Variants in RAPGEF6 observed in about 807,000 individuals in gnomAD.
The protein encoded by RAPGEF6 is Rap guanine nucleotide exchange factor 6, also known as PDZ domain containing guanine nucleotide exchange factor (GEF) 2.
Under a neutral mutation model 171.4 loss-of-function variants are expected in RAPGEF6, and 56 were observed. The ratio of observed to expected loss-of-function variants is 0.33; its 90% CI spans 0.26 to 0.41. The LOEUF is 0.41. Ranked by LOEUF, RAPGEF6 falls within the 10% of genes least tolerant of loss-of-function variation. RAPGEF6 has a pLI of 1.00. For missense variants in RAPGEF6, 1,674 were observed against 1,921.4 expected, an observed-to-expected ratio of 0.87 and a Z score of 2.41; for synonymous variants, 692 against 650.1, an observed-to-expected ratio of 1.06 and a Z score of -0.98.
chr5:131,619,045 G>C (rs1411907314), intron 1 of RAPGEF6, among the ~76,000 whole-genome samples: 1 of 117,800 alleles, frequency 8.5e-6, no homozygotes, highest in Non-Finnish European at 1.8e-5. Context: ...TTCATGAAAG[G>C]AAAAAAAAAA....
intron 14 of RAPGEF6, among the ~76,000 whole-genome samples, chr5:131,490,923 G>C (rs1208239251): frequency 6.6e-6 from 1 of 152,140 alleles, no homozygotes; most frequent in Non-Finnish European, 1.5e-5. Flanking sequence ...AAGCCTTCTT[G>C]AAACAGAAGA....
chr5:131,472,489 G>T, intron 17 of RAPGEF6, 98 bp downstream of exon 17: 1 of 1,350,440 alleles, frequency 7.4e-7, no homozygotes, highest in East Asian at 2.4e-5. Context: ...AGAGTTAAGA[G>T]GGCTGCAAGT....
chr5:131,603,361 C>T (rs1486636507), intron 2 of RAPGEF6, 34 bp from the exon 3 acceptor site: 1 of 1,378,750 alleles, frequency 7.3e-7, no homozygotes, highest in Admixed American at 2.2e-5. Flanking sequence ...TTTTATCTTA[C>T]ATTTTGTTTT....
At chr5:131,536,072 C>T (rs1478010895) in intron 6 of RAPGEF6, among the ~76,000 whole-genome samples, 2 of 152,052 alleles carry the variant, frequency 1.3e-5, no homozygotes, top group African/African-American at 2.4e-5. Flanking sequence ...AGAAGTCAAA[C>T]GCCAAAGAAG....
intron 4 of RAPGEF6, among the ~76,000 whole-genome samples, chr5:131,585,289 TATACATAC>T (rs3058508): frequency 2.2e-3 from 303 of 135,022 alleles, no homozygotes; most frequent in African/African-American, 8.1e-3. Flanking sequence ...AAAAAAAAAC[TATACATAC>T]ATACATACAT....
chr5:131,440,583 C>T (rs1752317593), intron 23 of RAPGEF6, among the ~76,000 whole-genome samples: 1 of 151,388 alleles, frequency 6.6e-6, no homozygotes, highest in Admixed American at 6.6e-5. Context: ...ACTAAAAATA[C>T]AAAAACTAGC....
intron 4 of RAPGEF6, among the ~76,000 whole-genome samples, chr5:131,586,464 C>G (rs1443625058): frequency 6.6e-6 from 1 of 152,188 alleles, no homozygotes; most frequent in Non-Finnish European, 1.5e-5. Flanking sequence ...AACCCTGTCT[C>G]TACTAAAAAT....
intron 24 of RAPGEF6, among the ~76,000 whole-genome samples, chr5:131,436,989 G>C (rs959274034): frequency 1.3e-5 from 2 of 152,012 alleles, no homozygotes; most frequent in African/African-American, 4.8e-5. Context: ...TTAATCATAA[G>C]AAAACAAAGA....
chr5:131,548,631 T>G (rs1215894160), intron 5 of RAPGEF6, among the ~76,000 whole-genome samples: 1 of 152,214 alleles, frequency 6.6e-6, no homozygotes, highest in Non-Finnish European at 1.5e-5. Context: ...AATTTTCAAC[T>G]TAATGCATGA....
At chr5:131,628,325 G>T (rs1156594740) in intron 1 of RAPGEF6, among the ~76,000 whole-genome samples, 5 of 151,422 alleles carry the variant, frequency 3.3e-5, no homozygotes, top group Non-Finnish European at 7.4e-5. Context: ...CTGATATGGA[G>T]AAAGTTTGAG....
At position 131,498,525 on chromosome 5, in the gene RAPGEF6, G is replaced by A; in HGVS notation, c.1337C>T (p.Thr446Ile). The A allele has an allele frequency of 1.2e-6, 2 of 1,613,570 alleles. No individual in the cohort carries two copies. The highest frequency in any genetic ancestry group is 1.7e-6 in the Non-Finnish European group (2 of 1,179,728). ...DPTYIEDFLL[T>I]YRTFLESPLD... ...AGGACTTTCAAGAAATGTCCTGTAA[G>A]TTAATAGAAAATCTTCTATATAAGT... is the stretch of plus-strand genomic sequence containing the variant. Residue 446 changes from threonine to isoleucine, a missense_variant, in exon 12 of 28, where the codon ACT (threonine) becomes ATT (isoleucine). By Grantham distance (89) the Thr-to-Ile change is moderately conservative. Transcript: ENST00000509018.
At chr5:131,583,572 A>G (rs921306174) in intron 4 of RAPGEF6, among the ~76,000 whole-genome samples, 13 of 152,190 alleles carry the variant, frequency 8.5e-5, no homozygotes, top group African/African-American at 3.1e-4. Context: ...GGATCCACCT[A>G]TAATCTATAA....
chr5:131,596,731 A>AAATCAACT (rs1478537577), intron 3 of RAPGEF6, among the ~76,000 whole-genome samples: 2 of 152,208 alleles, frequency 1.3e-5, no homozygotes, highest in East Asian at 3.9e-4. Context: ...CTATATACAA[A>AAATCAACT]AATCAACTCA....
At chr5:131,518,694 C>A (rs1758267683) in intron 7 of RAPGEF6, among the ~76,000 whole-genome samples, 1 of 152,080 alleles carries the variant, frequency 6.6e-6, no homozygotes, top group African/African-American at 2.4e-5. Flanking sequence ...CTGTGCCCAG[C>A]AGCAGAGTTT....
chr5:131,602,127 T>C (rs572960485), intron 3 of RAPGEF6, among the ~76,000 whole-genome samples: 1 of 152,320 alleles, frequency 6.6e-6, no homozygotes, highest in East Asian at 1.9e-4. Flanking sequence ...CAGTCATGCC[T>C]TGCTTAATGA....
intron 13 of RAPGEF6, among the ~76,000 whole-genome samples, chr5:131,495,313 C>CAAAA (rs1554075561): frequency 6.8e-6 from 1 of 147,620 alleles, no homozygotes; most frequent in Non-Finnish European, 1.5e-5. Flanking sequence ...CAAATAAATA[C>CAAAA]AATAAATAAA....
chr5:131,556,170 T>C (rs1459799746), intron 5 of RAPGEF6, among the ~76,000 whole-genome samples: 1 of 152,200 alleles, frequency 6.6e-6, no homozygotes, highest in Non-Finnish European at 1.5e-5. Context: ...CTGGGCTCAG[T>C]GGCTCACGCC....
intron 6 of RAPGEF6, among the ~76,000 whole-genome samples, chr5:131,539,691 T>C (rs1760006583): frequency 1.3e-5 from 2 of 152,214 alleles, no homozygotes; most frequent in Non-Finnish European, 2.9e-5. Context: ...ACAAAGTTGG[T>C]AAGTGATGTG....
chr5:131,623,281 T>C (rs1463522474), intron 1 of RAPGEF6, among the ~76,000 whole-genome samples: 6 of 152,196 alleles, frequency 3.9e-5, no homozygotes, highest in Non-Finnish European at 8.8e-5. Flanking sequence ...CTAAGTTTCC[T>C]CCATCTGAAT....
Sources: allele counts gnomAD v4.1 joint callset (sites outside exome capture counted in the v4.1 genomes callset), GRCh38; gene constraint gnomAD v4.1.1; transcripts MANE v1.5; gene names NCBI Gene and HGNC (gene_info 2026-07-23, HGNC 2026-07-21).